The following LSAMP variants were observed in gnomAD, a reference collection of about 807,000 sequenced individuals.
LSAMP encodes limbic system-associated membrane protein.
LSAMP carries 7 observed loss-of-function variants against 38.6 expected under a neutral mutation model. The ratio of observed to expected loss-of-function variants is 0.18; its 90% confidence interval spans 0.10 to 0.34. The LOEUF (loss-of-function observed/expected upper bound fraction) is 0.34. Among genes scored for constraint, LSAMP ranks in the 10% least tolerant of loss-of-function variants. LSAMP has a pLI of 1.00. For synonymous variants in LSAMP, 154 were observed against 166.8 expected (o/e 0.92, Z 0.59); for missense variants, 313 against 420.0 (o/e 0.75, Z 2.23).
intron 3 of LSAMP, among the ~76,000 whole-genome samples, chr3:115,983,469 CA>C (rs1414937084): frequency 3.9e-5 from 6 of 152,064 alleles, no homozygotes; most frequent in Admixed American, 3.9e-4. Flanking sequence ...TGCAGCAAGC[CA>C]TGATTGCACC....
intron 1 of LSAMP, among the ~76,000 whole-genome samples, chr3:116,409,161 G>A (rs926035710): frequency 6.6e-6 from 1 of 152,008 alleles, no homozygotes; most frequent in Non-Finnish European, 1.5e-5. Context: ...ATGAGACACA[G>A]TAAAAGTTTA....
intron 3 of LSAMP, among the ~76,000 whole-genome samples, chr3:115,916,905 G>C (rs1937264214): frequency 1.3e-5 from 2 of 152,190 alleles, no homozygotes; most frequent in Non-Finnish European, 2.9e-5. Context: ...ATAGAAAGTA[G>C]TAGGTTGGAA....
intron 3 of LSAMP, among the ~76,000 whole-genome samples, chr3:115,911,784 T>G (rs1195003629): frequency 1.3e-5 from 2 of 152,208 alleles, no homozygotes; most frequent in African/African-American, 4.8e-5. Flanking sequence ...GGCTATACAA[T>G]TTTACATTCC....
At chr3:115,926,051 A>G (rs1162115084) in intron 3 of LSAMP, among the ~76,000 whole-genome samples, 1 of 151,954 alleles carries the variant, frequency 6.6e-6, no homozygotes. Context: ...AGCATTAAAA[A>G]GAAAAAAAAA....
chr3:116,439,785 C>T (rs1362526524), intron 1 of LSAMP, among the ~76,000 whole-genome samples: 3 of 152,362 alleles, frequency 2.0e-5, no homozygotes, highest in East Asian at 1.9e-4. Flanking sequence ...CGCAGTGGCG[C>T]GATCTTGGCT....
intron 1 of LSAMP, among the ~76,000 whole-genome samples, chr3:116,274,954 C>CAAAAA (rs10662824): frequency 3.7e-5 from 5 of 136,312 alleles, no homozygotes; most frequent in East Asian, 2.1e-4. Context: ...TAAAAATAGC[C>CAAAAA]AAAAAAAAAA....
intron 1 of LSAMP, among the ~76,000 whole-genome samples, chr3:116,298,555 T>G (rs1244271952): frequency 6.6e-6 from 1 of 152,182 alleles, no homozygotes; most frequent in Non-Finnish European, 1.5e-5. Context: ...AAAATGTATT[T>G]CTGTGGTCTC....
intron 2 of LSAMP, among the ~76,000 whole-genome samples, chr3:116,047,653 G>A (rs1338278414): frequency 6.6e-6 from 1 of 152,090 alleles, no homozygotes; most frequent in Non-Finnish European, 1.5e-5. Context: ...CCTCCTCAGT[G>A]AAATCTTCCA....
intron 1 of LSAMP, among the ~76,000 whole-genome samples, chr3:116,402,162 T>C (rs2048848649): frequency 6.6e-6 from 1 of 152,204 alleles, no homozygotes; most frequent in African/African-American, 2.4e-5. Flanking sequence ...TTTAAAGTGA[T>C]AATTTTGTAT....
intron 3 of LSAMP, among the ~76,000 whole-genome samples, chr3:115,967,091 G>T (rs112130705): frequency 6.6e-6 from 1 of 151,996 alleles, no homozygotes; most frequent in Non-Finnish European, 1.5e-5. Context: ...CTTTTCTATC[G>T]CATTGTCAGG....
At chr3:116,040,350 G>A (rs778015941) in intron 2 of LSAMP, among the ~76,000 whole-genome samples, 3 of 152,162 alleles carry the variant, frequency 2.0e-5, no homozygotes, top group Non-Finnish European at 4.4e-5. Context: ...GGAGATGAAG[G>A]GAGGTGACAG....
intron 3 of LSAMP, among the ~76,000 whole-genome samples, chr3:115,902,234 C>T (rs1426413366): frequency 6.6e-6 from 1 of 151,800 alleles, no homozygotes; most frequent in Non-Finnish European, 1.5e-5. Context: ...TCATATATTA[C>T]TATTATTCTA....
chr3:115,810,424 A>C lies in LSAMP; in HGVS notation c.920-10T>G. The C allele has an allele frequency of 6.3e-7, 1 of 1,589,562 alleles. No homozygotes were observed. The highest frequency in any genetic ancestry group is 1.1e-5 in the South Asian group (1 of 90,060). On this transcript the variant is annotated splice_polypyrimidine_tract_variant and intron_variant, in intron 6 of 6. Transcript: ENST00000490035. ...CTCACCGACCCAGGTCCTGCAGAGC[A>C]AAAGAGGAGAGAGAAAAAGAGAATG...
chr3:116,438,165 A>G, intron 1 of LSAMP, among the ~76,000 whole-genome samples: 1 of 152,118 alleles, frequency 6.6e-6, no homozygotes, highest in African/African-American at 2.4e-5. Flanking sequence ...CATAATAAAA[A>G]CATCGTAGTG....
intron 1 of LSAMP, among the ~76,000 whole-genome samples, chr3:116,406,312 T>C (rs1216166303): frequency 6.6e-6 from 1 of 152,112 alleles, no homozygotes; most frequent in Non-Finnish European, 1.5e-5. Context: ...TTGGAAATCA[T>C]ACCATAGATA....
At chr3:115,829,248 C>T (rs1271501711) in intron 6 of LSAMP, among the ~76,000 whole-genome samples, 2 of 152,090 alleles carry the variant, frequency 1.3e-5, no homozygotes, top group Non-Finnish European at 2.9e-5. Context: ...CCCTATTACA[C>T]TGTGTCAAAA....
intron 1 of LSAMP, among the ~76,000 whole-genome samples, chr3:116,329,102 G>C (rs1190392743): frequency 6.6e-6 from 1 of 152,104 alleles, no homozygotes; most frequent in South Asian, 2.1e-4. Flanking sequence ...AATAAGAATA[G>C]GCTATTGCCT....
chr3:116,262,948 C>T (rs2046842825), intron 1 of LSAMP, among the ~76,000 whole-genome samples: 1 of 152,152 alleles, frequency 6.6e-6, no homozygotes, highest in Non-Finnish European at 1.5e-5. Context: ...TTCCTGAGTG[C>T]TCAGTGAGAA....
chr3:116,352,009 C>A (rs1410582964), intron 1 of LSAMP, among the ~76,000 whole-genome samples: 1 of 152,030 alleles, frequency 6.6e-6, no homozygotes, highest in African/African-American at 2.4e-5. Context: ...TTAGTTAACC[C>A]TTCAAATATT....
Sources: gnomAD v4.1 joint callset for allele counts (sites outside exome capture counted in the v4.1 genomes callset) on GRCh38, gnomAD v4.1.1 for gene constraint, MANE v1.5 for transcripts, NCBI Gene and HGNC (gene_info 2026-07-23, HGNC 2026-07-21) for gene names.